ABCB9: variants seen among roughly 807,000 people sequenced by gnomAD.
ABCB9 encodes ABC-type oligopeptide transporter ABCB9.
Under a neutral mutation model 62.0 loss-of-function variants are expected in ABCB9, and 36 were observed. The ratio of observed to expected loss-of-function variants is 0.58; its 90% confidence interval spans 0.45 to 0.77. The LOEUF (loss-of-function observed/expected upper bound fraction) is 0.77, where lower values mean the gene tolerates loss of function less well. Ranked by LOEUF, ABCB9 falls within the 30% of genes least tolerant of loss-of-function variation. ABCB9 has a pLI of 0.00. For synonymous variants in ABCB9, 435 were observed against 461.4 expected, an observed-to-expected ratio of 0.94 and a Z score of 0.73; for missense variants, 943 against 1,054.7, an observed-to-expected ratio of 0.89 and a Z score of 1.47.
chr12:122,948,017 T>G (rs1429217345), intron 5 of ABCB9: 1 of 152,794 alleles, frequency 6.5e-6, no homozygotes, highest in Non-Finnish European at 1.5e-5. Flanking sequence ...CACTACAGCC[T>G]CGACCTCCTG....
In ABCB9 at chr12:122,932,783, C is replaced by T. The variant is rs1386371664; in HGVS notation, c.1904-455G>A. 6.6e-6 allele frequency among the ~76,000 whole-genome samples: 1 copy of T among 152,204 alleles called. No homozygotes were observed. Among genetic ancestry groups the T allele is most frequent in the Non-Finnish European group, 1.5e-5 (1 of 68,036 alleles). On this transcript the variant is annotated intron_variant, in intron 10 of 11. Coordinates refer to ENST00000280560, the MANE Select transcript of ABCB9 (RefSeq NM_019625.4). The surrounding 1 kb of genome is among the most constrained non-coding windows in gnomAD (Gnocchi z 4.7). Reference sequence around the variant, plus strand: ...CCAATTTTCCCCATGGACCGACTTCCTCCCATGCACAACAATATAGACACA... The same window carrying T: ...CCAATTTTCCCCATGGACCGACTTCTTCCCATGCACAACAATATAGACACA...
At chr12:122,922,303 T>C (rs1481873649) in intron 11 of ABCB9, among the ~76,000 whole-genome samples, 1 of 152,222 alleles carries the variant, frequency 6.6e-6, no homozygotes, top group East Asian at 1.9e-4. Flanking sequence ...TACCCACCGC[T>C]CAGGACTAGC....
At chr12:122,970,024 G>C (rs557741379), upstream of ABCB9, among the ~76,000 whole-genome samples, 29 of 152,292 alleles carry the variant, frequency 1.9e-4, no homozygotes, top group African/African-American at 5.8e-4. Flanking sequence ...TATTTACCCA[G>C]AGGAAGTAAA....
chr12:122,919,738 G>A (rs1252572122), downstream of ABCB9, among the ~76,000 whole-genome samples: 1 of 152,028 alleles, frequency 6.6e-6, no homozygotes, highest in Non-Finnish European at 1.5e-5. Flanking sequence ...ACAGTTTCTG[G>A]TAGACGGAGG....
At chr12:122,923,580 C>T (rs1157087603) in intron 11 of ABCB9, among the ~76,000 whole-genome samples, 5 of 152,144 alleles carry the variant, frequency 3.3e-5, no homozygotes, top group Non-Finnish European at 5.9e-5. Flanking sequence ...TGAGCCAGGG[C>T]GCCCAGCCAC....
rs768999438 is a variant in ABCB9 at position 122,940,035 on chromosome 12, C to T, written c.1743+76G>A. On this transcript the variant is annotated intron_variant, in intron 9 of 11. Coordinates refer to ENST00000280560, the MANE Select transcript of ABCB9 (RefSeq NM_019625.4). This position sits in a 1 kb window ranked among gnomAD's most constrained non-coding sequence, Gnocchi z 4.8. The stretch of plus-strand genomic sequence containing the variant: ...CATTTATCTCTAGTGCCCTCTTCCG[C>T]ACCTGTTACAGCTCACAAGAAAGAC... 1 of 1,519,320 alleles carries T rather than the reference C, an allele frequency of 6.6e-7. No homozygotes were observed. Among genetic ancestry groups the T allele is most frequent in the Non-Finnish European group, 8.9e-7 (1 of 1,124,466 alleles). 94.1% of individuals were successfully genotyped at this position (1,519,320 alleles called of 1,614,324 possible).
chr12:122,950,821 C>T lies in ABCB9; in HGVS notation c.602-256G>A, dbSNP rs150649079. 146 of 419,270 alleles carry T rather than the reference C, an allele frequency of 3.5e-4. 1 individual carries two copies. Among genetic ancestry groups the T allele is most frequent in the Middle Eastern group, 3.3e-3 (5 of 1,502 alleles). 26.0% of individuals were successfully genotyped at this position (419,270 alleles called of 1,614,324 possible). ...TTTATTTATAGTGGCTACCAGGCAT[C>T]GAGCCAGGGCTCCTGCAGGATGCTT... On this transcript the variant is annotated intron_variant, in intron 2 of 11. Coordinates refer to ENST00000280560, the MANE Select transcript of ABCB9 (RefSeq NM_019625.4).
rs1358485326 is a variant in ABCB9 at position 122,944,571 on chromosome 12, C to T, written c.1252-52G>A. 1 of 1,600,324 alleles carries T rather than the reference C, an allele frequency of 6.2e-7. No homozygotes were observed. Among genetic ancestry groups the T allele is most frequent in the South Asian group, 1.1e-5 (1 of 89,946 alleles). The stretch of plus-strand genomic sequence containing the variant: ...GTCGAGGGGACCTTAGATCCCCCAC[C>T]ATCCCCATTCCCTGACCCATCCCAG... On this transcript the variant is annotated intron_variant, in intron 6 of 11. Transcript: ENST00000280560. This position sits in a 1 kb window ranked among gnomAD's most constrained non-coding sequence, Gnocchi z 4.9.
At position 122,932,995 on chromosome 12, in the gene ABCB9, A is replaced by C. The variant is rs574140537; in HGVS notation, c.1904-667T>G. Among the ~76,000 whole-genome samples the C allele has an allele frequency of 6.6e-6, 1 of 152,282 alleles. No individual in the cohort carries two copies. Among genetic ancestry groups the C allele is most frequent in the African/African-American group, 2.4e-5 (1 of 41,560 alleles). ...AGCCTCAAACTTCTGGGTTCAAGCAATCCTCCAGCCTCAGCCTTCTGAGTA... is the reference window on the plus strand; with the variant it reads ...AGCCTCAAACTTCTGGGTTCAAGCACTCCTCCAGCCTCAGCCTTCTGAGTA... On this transcript the variant is annotated intron_variant, in intron 10 of 11. Transcript: ENST00000280560. The surrounding 1 kb of genome is among the most constrained non-coding windows in gnomAD (Gnocchi z 4.7).
rs757253736 is a variant in ABCB9 at position 122,950,515 on chromosome 12, T to G, written c.652A>C (p.Ile218Leu). The change falls in exon 3 of 12, where the codon ATC (isoleucine) becomes CTC (leucine). Residue 218 changes from isoleucine (I) to leucine (L), a missense_variant. Physicochemically the swap from Ile to Leu is conservative, Grantham distance 5 (BLOSUM62 2). Coordinates refer to ENST00000280560, the MANE Select transcript of ABCB9 (RefSeq NM_019625.4). ...CTGAACTGATCCATGCTTTTCTGGATGACGATGCCATCAATGGCGCGGCCC... is the reference window on the plus strand; with the variant it reads ...CTGAACTGATCCATGCTTTTCTGGAGGACGATGCCATCAATGGCGCGGCCC... ...YTGRAIDGIV[I>L]QKSMDQFSTA... The G allele has an allele frequency of 1.2e-6, 2 of 1,613,462 alleles. No homozygotes were observed. Among genetic ancestry groups the G allele is most frequent in the Non-Finnish European group, 1.7e-6 (2 of 1,180,006 alleles).
chr12:122,944,536 G>A lies in ABCB9; in HGVS notation c.1252-17C>T, dbSNP rs746159647. On this transcript the variant is annotated splice_polypyrimidine_tract_variant and intron_variant, in intron 6 of 11. Coordinates refer to ENST00000280560, the MANE Select transcript of ABCB9 (RefSeq NM_019625.4). This position sits in a 1 kb window ranked among gnomAD's most constrained non-coding sequence, Gnocchi z 4.9. ...CAGTGTGAGCTGGGGCAGAGGGAGA[G>A]GGGATGTGGGTCGAGGGGACCTTAG... 1 of 1,613,062 alleles carries A rather than the reference G, an allele frequency of 6.2e-7. No individual in the cohort carries two copies. The highest frequency in any genetic ancestry group is 8.5e-7 in the Non-Finnish European group (1 of 1,179,566).
chr12:122,932,230 C>T lies in ABCB9; in HGVS notation c.2002G>A (p.Glu668Lys). 1 of 1,552,562 alleles carries T rather than the reference C, an allele frequency of 6.4e-7. No individual in the cohort carries two copies. The highest frequency in any genetic ancestry group is 1.2e-5 in the South Asian group (1 of 84,098). Residue 668 changes from glutamate to lysine, a missense_variant, in exon 11 of 12, where the codon GAA becomes AAA. By Grantham distance (56) the Glu-to-Lys change is moderately conservative (BLOSUM62 1). Transcript: ENST00000280560. The surrounding 1 kb of genome is among the most constrained non-coding windows in gnomAD (Gnocchi z 4.7). Reference sequence around the variant, plus strand: ...TCGGCATCCAAAGCGCTGGTGGCTTCATCCAGGATGAGGACTGGGGGGTTC... The same window carrying T: ...TCGGCATCCAAAGCGCTGGTGGCTTTATCCAGGATGAGGACTGGGGGGTTC... ...VRNPPVLILD[E>K]ATSALDAESE...
rs765819329 is a variant in ABCB9, at chr12:122,949,811, C to T, written c.824G>A (p.Ser275Asn). The stretch of plus-strand genomic sequence containing the variant: ...ACCTGTGCGGTTCTCATCAAAGAAG[C>T]TTGTCTCCTGGGACACCAGTGAGCG... The part of the protein sequence containing the change: ...LFRSLVSQET[S>N]FFDENRTGDL... Residue 275 changes from serine to asparagine, a missense_variant, in exon 4 of 12, where the codon AGC (serine) becomes AAC (asparagine). Coordinates refer to ENST00000280560, the MANE Select transcript of ABCB9 (RefSeq NM_019625.4). The T allele has an allele frequency of 6.2e-7, 1 of 1,614,216 alleles. No homozygotes were observed. Among genetic ancestry groups the T allele is most frequent in the South Asian group, 1.1e-5 (1 of 91,092 alleles).
chr12:122,920,340 GC>G (rs2034717215), downstream of ABCB9, among the ~76,000 whole-genome samples: 3 of 148,102 alleles, frequency 2.0e-5, no homozygotes, highest in Admixed American at 2.0e-4. Flanking sequence ...GCAACAAGCA[GC>G]CCTTAGTGAC....
upstream of ABCB9, among the ~76,000 whole-genome samples, chr12:122,966,777 G>A (rs2135937480): frequency 1.3e-5 from 2 of 152,286 alleles, no homozygotes; most frequent in South Asian, 4.1e-4. Flanking sequence ...CTGAGGGGAC[G>A]GAAATGGTTT....
In ABCB9 at chr12:122,947,614, C is replaced by T; in HGVS notation, c.1053+1010G>A. The T allele has an allele frequency of 3.3e-6, 1 of 305,758 alleles. No homozygotes were observed. 18.9% of individuals were successfully genotyped at this position (305,758 alleles called of 1,614,324 possible). A position where few individuals can be genotyped will look rare whatever the true frequency, so the allele number is the denominator to read the frequency against. ...CCTGTCTGAACCCAGCCTGTCTGTC[C>T]CTTAGGGCTCGGGGGCACCCGCCCA... On this transcript the variant is annotated intron_variant, in intron 5 of 11. Coordinates refer to ENST00000280560, the MANE Select transcript of ABCB9 (RefSeq NM_019625.4). This position sits in a 1 kb window ranked among gnomAD's most constrained non-coding sequence, Gnocchi z 6.0.
Position 122,959,792 on chromosome 12 carries a change from C to A in ABCB9, c.444G>T (p.Glu148Asp). Residue 148 changes from glutamate to aspartate, a missense_variant, in exon 2 of 12, where the codon GAG (glutamate) becomes GAT (aspartate). Glu to Asp is a conservative substitution (Grantham distance 45). Transcript: ENST00000280560. This position sits in a 1 kb window ranked among gnomAD's most constrained non-coding sequence, Gnocchi z 5.4. ...STVRPGTQAL[E>D]PGAATEAEGF... ...CCTCAGCCTCGGTGGCCGCCCCTGG[C>A]TCCAGGGCCTGGGTGCCTGGCCGCA... The A allele has an allele frequency of 6.2e-7, 1 of 1,612,146 alleles. No individual in the cohort carries two copies. The highest frequency in any genetic ancestry group is 8.5e-7 in the Non-Finnish European group (1 of 1,179,384).
intron 11 of ABCB9, among the ~76,000 whole-genome samples, chr12:122,923,794 C>T (rs1389086763): frequency 6.6e-6 from 1 of 152,124 alleles, no homozygotes; most frequent in African/African-American, 2.4e-5. Flanking sequence ...TTTATGACCC[C>T]AAAAGTTCTG....
At chr12:122,954,332 C>T (rs933995580) in intron 2 of ABCB9, among the ~76,000 whole-genome samples, 5 of 152,104 alleles carry the variant, frequency 3.3e-5, no homozygotes, top group Non-Finnish European at 7.4e-5. Flanking sequence ...CCTCAGCCTC[C>T]CGAGTAGCTG....
Sources: allele counts gnomAD v4.1 joint callset (sites outside exome capture counted in the v4.1 genomes callset), GRCh38; gene constraint gnomAD v4.1.1; non-coding constraint Gnocchi (gnomAD v3.1); transcripts MANE v1.5; gene names NCBI Gene and HGNC (gene_info 2026-07-23, HGNC 2026-07-21).